Variants in NKTR observed in about 807,000 individuals in gnomAD.
NKTR encodes natural killer cell triggering receptor.
Under a neutral mutation model 156.3 loss-of-function variants are expected in NKTR, and 67 were observed. The ratio of observed to expected loss-of-function variants is 0.43; its 90% CI spans 0.35 to 0.53. The LOEUF (loss-of-function observed/expected upper bound fraction) is 0.53. Ranked by LOEUF, NKTR falls within the 20% of genes least tolerant of loss-of-function variation. The probability of loss-of-function intolerance (pLI) is 0.01; values close to 1 mark genes in which losing one functional copy is unlikely to be tolerated. For missense variants in NKTR, 1,604 were observed against 1,730.9 expected (o/e 0.93, Z 1.30); for synonymous variants, 640 against 596.6 (o/e 1.07, Z -1.06).
At position 42,637,055 on chromosome 3, in the gene NKTR, CACAA is replaced by C. The variant is rs776768393; in HGVS notation, c.1361_1364del (p.Thr454ArgfsTer11). ...GAAAAAGCAGAAACACTGCAGAAGA[CACAA>C]ACAAACAAAGAAGAGAAGGATTCTT... On this transcript the variant is annotated frameshift_variant, in exon 13 of 17. Coordinates refer to ENST00000232978, the MANE Select transcript of NKTR (RefSeq NM_005385.4). LOFTEE classifies it high-confidence loss of function. 5.6e-6 allele frequency: 9 copies of C among 1,604,986 alleles called. No homozygotes were observed. Among genetic ancestry groups the C allele is most frequent in the Non-Finnish European group, 5.9e-6 (7 of 1,177,812 alleles).
chr3:42,634,972 T>A, intron 11 of NKTR: 1 of 455,592 alleles, frequency 2.2e-6, no homozygotes, highest in Admixed American at 4.0e-5. Context: ...TTTATGTGGA[T>A]TACAGGTGAA....
At chr3:42,607,061 C>G (rs1706310379) in intron 2 of NKTR, among the ~76,000 whole-genome samples, 1 of 150,810 alleles carries the variant, frequency 6.6e-6, no homozygotes, top group African/African-American at 2.4e-5. Flanking sequence ...ATTAGTTAGG[C>G]TAAATGATAA....
rs1326532165 is a variant in NKTR, at chr3:42,612,240, G to C, written c.59-5330G>C. 5 of 152,124 alleles carry C rather than the reference G, an allele frequency of 3.3e-5. No homozygotes were observed. The East Asian group carries it at 9.6e-4, about 29-fold the overall frequency. 9.4% of individuals were successfully genotyped at this position (152,124 alleles called of 1,614,324 possible). A position where few individuals can be genotyped will look rare whatever the true frequency, so the allele number is the denominator to read the frequency against. ...AATAAGAATTTATCAATATTTGCTTGTGTATGAAAAGAAACTGGAAAAATA... is the reference window on the plus strand; with the variant it reads ...AATAAGAATTTATCAATATTTGCTTCTGTATGAAAAGAAACTGGAAAAATA... On this transcript the variant is annotated intron_variant, in intron 2 of 16. Transcript: ENST00000232978.
Position 42,634,708 on chromosome 3 carries a change from T to A in NKTR, c.1017+8T>A, listed in dbSNP as rs1351563221. ...AAAGGAAGGGGCACAATTGTATGTG[T>A]GATAAGACTTTTTTTGATATTATGT... is the stretch of plus-strand genomic sequence containing the variant. On this transcript the variant is annotated splice_region_variant and intron_variant, in intron 11 of 16. Coordinates refer to ENST00000232978, the MANE Select transcript of NKTR (RefSeq NM_005385.4). 1 of 1,509,074 alleles carries A rather than the reference T, an allele frequency of 6.6e-7. No individual in the cohort carries two copies. Among genetic ancestry groups the A allele is most frequent in the Non-Finnish European group, 9.1e-7 (1 of 1,104,230 alleles). The allele number at this position is 1,509,074 out of a possible 1,614,324, so 93.5% of individuals were successfully genotyped here.
intron 9 of NKTR, 59 bp from the exon 10 acceptor site, chr3:42,633,521 G>A (rs1709105838): frequency 6.4e-7 from 1 of 1,562,896 alleles, no homozygotes; most frequent in Admixed American, 2.0e-5. Context: ...AATTTTATGT[G>A]CTTTTATTAT....
intron 2 of NKTR, among the ~76,000 whole-genome samples, chr3:42,605,178 C>T (rs1031182842): frequency 6.6e-6 from 1 of 152,066 alleles, no homozygotes; most frequent in Admixed American, 6.6e-5. Context: ...TAGTTACTTC[C>T]GTTTTATTAG....
At position 42,639,459 on chromosome 3, in the gene NKTR, C is replaced by A; in HGVS notation, c.3755C>A (p.Thr1252Asn). The A allele has an allele frequency of 1.2e-6, 2 of 1,614,146 alleles. No individual in the cohort carries two copies. Among genetic ancestry groups the A allele is most frequent in the Non-Finnish European group, 1.7e-6 (2 of 1,180,030 alleles). Residue 1252 changes from threonine to asparagine, a missense_variant, in exon 13 of 17, where the codon ACC becomes AAC. Around this residue, in one of 6 missense-constraint regions of NKTR, gnomAD observed 1,255 missense variants for 1,243.7 expected, o/e 1.01. Coordinates refer to ENST00000232978, the MANE Select transcript of NKTR (RefSeq NM_005385.4). Reference sequence around the variant, plus strand: ...AGTGCTGTGGAAGTTAAGGTGTTGACCACTGTGCCTGAAATGAAACCACAA... The same window carrying A: ...AGTGCTGTGGAAGTTAAGGTGTTGAACACTGTGCCTGAAATGAAACCACAA... The part of the protein sequence containing the change: ...TSSAVEVKVL[T>N]TVPEMKPQGL...
chr3:42,600,728 A>C lies in NKTR; in HGVS notation c.-74A>C. 3.3e-6 allele frequency: 1 copy of C among 299,476 alleles called. No homozygotes were observed. The allele number at this position is 299,476 out of a possible 1,614,324, so 18.6% of individuals were successfully genotyped here. ...GGCGTTGGGGTTTGGCTGCAGTGGCAGTGCTTTCTCTTCTGCTCACGGGGA... is the reference window on the plus strand; with the variant it reads ...GGCGTTGGGGTTTGGCTGCAGTGGCCGTGCTTTCTCTTCTGCTCACGGGGA... On this transcript the variant is annotated 5_prime_UTR_variant, in exon 1 of 17. Transcript: ENST00000232978.
At chr3:42,633,185 G>A (rs1577541450) in intron 9 of NKTR, 4 of 412,216 alleles carry the variant, frequency 9.7e-6, no homozygotes, top group African/African-American at 2.1e-5. Flanking sequence ...GACTACGGGC[G>A]TATACCACTA....
At chr3:42,602,402 ATC>A (rs1705591024) in intron 2 of NKTR, 1 of 152,246 alleles carries the variant, frequency 6.6e-6, no homozygotes, top group Non-Finnish European at 1.5e-5. Context: ...ATTTCTCAGA[ATC>A]CGTCCTGGTT....
rs146465361 is a variant in NKTR at position 42,642,500 on chromosome 3, G to C, written c.4047-1G>C. 1 of 1,609,164 alleles carries C rather than the reference G, an allele frequency of 6.2e-7. No individual in the cohort carries two copies. The highest frequency in any genetic ancestry group is 1.3e-5 in the African/African-American group (1 of 74,758). ...TATTTTTTCAATTGCTTTAATTGTA[G>C]ATCAAGAAGCTACTCTAGAAGTCGG... On this transcript the variant is annotated splice_acceptor_variant, in intron 13 of 16. Coordinates refer to ENST00000232978, the MANE Select transcript of NKTR (RefSeq NM_005385.4). LOFTEE classifies it high-confidence loss of function.
At chr3:42,622,718 A>T (rs1427540231) in intron 6 of NKTR, among the ~76,000 whole-genome samples, 1 of 152,002 alleles carries the variant, frequency 6.6e-6, no homozygotes, top group African/African-American at 2.4e-5. Context: ...GTGATTTTCT[A>T]TTCTTAACCT....
intron 2 of NKTR, among the ~76,000 whole-genome samples, chr3:42,605,206 A>G (rs1462529552): frequency 6.6e-6 from 1 of 152,126 alleles, no homozygotes; most frequent in Non-Finnish European, 1.5e-5. Flanking sequence ...ATGGTATATC[A>G]TTTTCAATCC....
chr3:42,622,018 C>T (rs1302980668), intron 6 of NKTR, among the ~76,000 whole-genome samples: 1 of 151,918 alleles, frequency 6.6e-6, no homozygotes, highest in African/African-American at 2.4e-5. Flanking sequence ...AGATAGGTGA[C>T]CTGCTGTTGA....
chr3:42,643,257 G>A, intron 14 of NKTR, 82 bp from the exon 15 acceptor site: 2 of 1,069,452 alleles, frequency 1.9e-6, no homozygotes, highest in South Asian at 1.5e-5. Context: ...CACCTTGATG[G>A]GCAAATAAAT....
intron 2 of NKTR, among the ~76,000 whole-genome samples, chr3:42,604,029 G>A (rs1705911577): frequency 6.6e-6 from 1 of 152,178 alleles, no homozygotes; most frequent in African/African-American, 2.4e-5. Flanking sequence ...GAGCCACGGT[G>A]CCTAGCCTGT....
At chr3:42,619,939 A>G (rs968202534) in intron 5 of NKTR, 5 of 1,489,050 alleles carry the variant, frequency 3.4e-6, no homozygotes, top group Non-Finnish European at 4.4e-6. Context: ...GACTTTCAGC[A>G]TGGAGGTTAG....
At chr3:42,607,755 T>C (rs550292013) in intron 2 of NKTR, among the ~76,000 whole-genome samples, 1 of 152,242 alleles carries the variant, frequency 6.6e-6, no homozygotes, top group African/African-American at 2.4e-5. Flanking sequence ...TAAAGGGCAT[T>C]GTAGGGGTAG....
At position 42,617,543 on chromosome 3, in the gene NKTR, A is replaced by G. The variant is rs1707495550; in HGVS notation, c.59-27A>G. 6 of 1,283,082 alleles carry G rather than the reference A, an allele frequency of 4.7e-6. No homozygotes were observed. In the South Asian group the frequency reaches 4.8e-5, roughly 10 times the overall value. 79.5% of individuals were successfully genotyped at this position (1,283,082 alleles called of 1,614,324 possible). A position where few individuals can be genotyped will look rare whatever the true frequency, so the allele number is the denominator to read the frequency against. On this transcript the variant is annotated intron_variant, in intron 2 of 16. Coordinates refer to ENST00000232978, the MANE Select transcript of NKTR (RefSeq NM_005385.4). ...ATGTGATATATTTAACTTGCTTACT[A>G]TTTTTTTCCTATGTATTTTATTTCA...
Sources: allele counts gnomAD v4.1 joint callset (sites outside exome capture counted in the v4.1 genomes callset), GRCh38; gene constraint gnomAD v4.1.1; regional missense constraint gnomAD v4.1.1; transcripts MANE v1.5; gene names NCBI Gene and HGNC (gene_info 2026-07-23, HGNC 2026-07-21).